Variants in WDR7 observed in about 807,000 individuals in gnomAD.
WDR7 encodes WD repeat domain 7.
In WDR7, 46 loss-of-function variants were observed where a neutral mutation model predicts 169.4. That is an observed-to-expected ratio of 0.27 (90% CI 0.21 to 0.35). The LOEUF is 0.35. Among genes scored for constraint, WDR7 ranks in the 10% least tolerant of loss-of-function variants. WDR7 has a pLI of 1.00. For missense variants in WDR7, 1,534 were observed against 1,859.3 expected, an observed-to-expected ratio of 0.83 and a Z score of 3.22; for synonymous variants, 612 against 666.8, an observed-to-expected ratio of 0.92 and a Z score of 1.27.
At chr18:56,851,465 GC>G (rs1052764425) in intron 20 of WDR7, among the ~76,000 whole-genome samples, 41 of 152,188 alleles carry the variant, frequency 2.7e-4, no homozygotes, top group African/African-American at 9.9e-4. Flanking sequence ...TATTTGCTTT[GC>G]CTCCAGCTTA....
At chr18:56,712,254 A>G (rs1255744215) in intron 12 of WDR7, among the ~76,000 whole-genome samples, 2 of 152,210 alleles carry the variant, frequency 1.3e-5, no homozygotes, top group Non-Finnish European at 2.9e-5. Flanking sequence ...AACAGGTTAC[A>G]TAAGAGGTTT....
chr18:56,783,287 G>A (rs546911894), intron 19 of WDR7, among the ~76,000 whole-genome samples: 3 of 152,142 alleles, frequency 2.0e-5, no homozygotes, highest in South Asian at 2.1e-4. Context: ...AATAAAATTG[G>A]GATGAAAAGA....
At chr18:56,924,655 C>T (rs1008191067) in intron 22 of WDR7, among the ~76,000 whole-genome samples, 2 of 152,184 alleles carry the variant, frequency 1.3e-5, no homozygotes, top group African/African-American at 4.8e-5. Flanking sequence ...GTGGGAAACA[C>T]ACGTGGTGAC....
intron 26 of WDR7, among the ~76,000 whole-genome samples, chr18:57,005,744 A>G (rs1161452498): frequency 1.3e-5 from 2 of 152,206 alleles, no homozygotes; most frequent in African/African-American, 4.8e-5. Flanking sequence ...TTCCTGGGCC[A>G]TACTGGAAGA....
intron 20 of WDR7, among the ~76,000 whole-genome samples, chr18:56,817,250 C>T (rs149717366): frequency 5.0e-4 from 75 of 150,748 alleles, no homozygotes; most frequent in South Asian, 2.1e-4. Context: ...GAGGCTGAGG[C>T]AGGAGAATCG....
At chr18:56,902,249 T>G (rs1177423940) in intron 21 of WDR7, among the ~76,000 whole-genome samples, 1 of 152,158 alleles carries the variant, frequency 6.6e-6, no homozygotes, top group African/African-American at 2.4e-5. Flanking sequence ...CAATATTACA[T>G]AGTTATATGC....
At chr18:56,833,818 C>T (rs988965827) in intron 20 of WDR7, among the ~76,000 whole-genome samples, 2 of 152,092 alleles carry the variant, frequency 1.3e-5, no homozygotes, top group African/African-American at 2.4e-5. Context: ...TAAAGGTTAC[C>T]GAACTTTTGC....
At chr18:57,017,530 A>C in intron 26 of WDR7, among the ~76,000 whole-genome samples, 1 of 141,004 alleles carries the variant, frequency 7.1e-6, no homozygotes, top group Non-Finnish European at 1.5e-5. Context: ...TGATGTTCTG[A>C]TCCAAGATGT....
chr18:56,772,421 G>A (rs564331680), intron 16 of WDR7, among the ~76,000 whole-genome samples: 5 of 152,236 alleles, frequency 3.3e-5, no homozygotes, highest in East Asian at 3.9e-4. Flanking sequence ...GATGGCTTCC[G>A]AAGAGATGGT....
At chr18:56,727,237 G>A (rs2026478245) in intron 13 of WDR7, among the ~76,000 whole-genome samples, 1 of 152,126 alleles carries the variant, frequency 6.6e-6, no homozygotes, top group Non-Finnish European at 1.5e-5. Flanking sequence ...ATCTTGGCTG[G>A]AAGCAGAAGT....
chr18:56,713,542 A>G (rs2144721508), intron 12 of WDR7, among the ~76,000 whole-genome samples: 1 of 152,332 alleles, frequency 6.6e-6, no homozygotes, highest in Middle Eastern at 3.4e-3. Context: ...AAATAAGTTT[A>G]AAGATAAGAG....
At chr18:56,849,916 A>G (rs946515062) in intron 20 of WDR7, among the ~76,000 whole-genome samples, 1 of 152,122 alleles carries the variant, frequency 6.6e-6, no homozygotes, top group Non-Finnish European at 1.5e-5. Flanking sequence ...TGGACTTGCT[A>G]CTATTGACGA....
chr18:56,676,875 A>C (rs1413516189), intron 2 of WDR7, among the ~76,000 whole-genome samples: 1 of 152,126 alleles, frequency 6.6e-6, no homozygotes, highest in Non-Finnish European at 1.5e-5. Flanking sequence ...GTGTCAGGCT[A>C]AGTGCTGGAA....
chr18:56,679,309 C>T (rs1466909135), intron 2 of WDR7, 23 bp from the exon 3 acceptor site: 12 of 1,585,094 alleles, frequency 7.6e-6, no homozygotes, highest in Non-Finnish European at 1.0e-5. Context: ...GGTACTTAAA[C>T]TAGCATATTT....
Position 56,712,954 on chromosome 18 carries a change from A to G in WDR7, c.1579-5010A>G, listed in dbSNP as rs80238161. ...TGTTTTGCATACCAGAGGGACACGC[A>G]TCATCTCAGGCAAGAGTGGGTGAGC... On this transcript the variant is annotated intron_variant, in intron 12 of 27. Transcript: ENST00000254442. Among the ~76,000 whole-genome samples the G allele has an allele frequency of 2.7e-3, 414 of 152,312 alleles. 4 individuals carry two copies. The East Asian group carries it at 0.036, about 13-fold the overall frequency.
At chr18:56,746,912 C>T (rs2043713663) in intron 14 of WDR7, among the ~76,000 whole-genome samples, 1 of 152,170 alleles carries the variant, frequency 6.6e-6, no homozygotes, top group African/African-American at 2.4e-5. Context: ...AAAGTGTCTC[C>T]AGACATTACC....
chr18:56,756,261 C>A (rs2043886020), intron 14 of WDR7, among the ~76,000 whole-genome samples: 1 of 152,130 alleles, frequency 6.6e-6, no homozygotes, highest in Non-Finnish European at 1.5e-5. Context: ...ACAGGATTTG[C>A]TCATAAATTA....
Position 56,776,888 on chromosome 18 carries a change from T to G in WDR7, c.2947+8T>G, listed in dbSNP as rs1443726958. 6.2e-7 allele frequency: 1 copy of G among 1,607,212 alleles called. No individual in the cohort carries two copies. The highest frequency in any genetic ancestry group is 8.5e-7 in the Non-Finnish European group (1 of 1,174,072). On this transcript the variant is annotated splice_region_variant and intron_variant, in intron 17 of 27. Coordinates refer to ENST00000254442, the MANE Select transcript of WDR7 (RefSeq NM_015285.3). ...GTTTCTTAGTAAATGAAGGTATCTC[T>G]CTCAACTTCTAACAACTTTCTCTCA...
At chr18:57,023,872 A>G (rs1022580385) in intron 27 of WDR7, among the ~76,000 whole-genome samples, 2 of 152,174 alleles carry the variant, frequency 1.3e-5, no homozygotes, top group African/African-American at 2.4e-5. Flanking sequence ...GTTTATTTTT[A>G]TTTACTCCAT....
Sources: gnomAD v4.1 joint callset for allele counts (sites outside exome capture counted in the v4.1 genomes callset) on GRCh38, gnomAD v4.1.1 for gene constraint, MANE v1.5 for transcripts, NCBI Gene and HGNC (gene_info 2026-07-23, HGNC 2026-07-21) for gene names.